The following RFX7 variants were observed in gnomAD, a reference collection of about 807,000 sequenced individuals.
RFX7 encodes DNA-binding protein RFX7.
A neutral mutation model predicts 111.8 loss-of-function variants in RFX7; 26 were observed. The observed-to-expected ratio is 0.23, with a 90% CI of 0.17 to 0.32. The LOEUF is 0.32. Ranked by LOEUF, RFX7 falls within the 10% of genes least tolerant of loss-of-function variation. The probability of loss-of-function intolerance (pLI) is 1.00; values close to 1 mark genes in which losing one functional copy is unlikely to be tolerated. For missense variants in RFX7, 1,573 were observed against 1,772.9 expected, an observed-to-expected ratio of 0.89 and a Z score of 2.02; for synonymous variants, 624 against 624.4, an observed-to-expected ratio of 1.00 and a Z score of 0.01.
chr15:56,220,648 T>C (rs1242116233), intron 2 of RFX7, among the ~76,000 whole-genome samples: 5 of 152,218 alleles, frequency 3.3e-5, no homozygotes, highest in Admixed American at 1.3e-4. Context: ...GTTTACTCTG[T>C]TGACAGTTTC....
intron 5 of RFX7, among the ~76,000 whole-genome samples, chr15:56,127,608 C>G (rs1469628505): frequency 1.3e-5 from 2 of 148,404 alleles, no homozygotes; most frequent in African/African-American, 5.0e-5. Flanking sequence ...AGTGCAGTGG[C>G]GCGATCTCGA....
At chr15:56,150,949 AC>A (rs1416651458) in intron 3 of RFX7, among the ~76,000 whole-genome samples, 2 of 152,126 alleles carry the variant, frequency 1.3e-5, no homozygotes, top group African/African-American at 4.8e-5. Context: ...AAATCGATCA[AC>A]CAGAAGAAAG....
At chr15:56,205,735 C>G (rs1370080833) in intron 2 of RFX7, among the ~76,000 whole-genome samples, 8 of 152,090 alleles carry the variant, frequency 5.3e-5, no homozygotes, top group Non-Finnish European at 1.2e-4. Flanking sequence ...TGAAGCATGA[C>G]TAAGAACCTG....
Position 56,091,656 on chromosome 15 carries a change from C to T in RFX7, c.*1689G>A, listed in dbSNP as rs952603281. 4 of 152,178 alleles carry T rather than the reference C, an allele frequency of 2.6e-5. No individual in the cohort carries two copies. Among genetic ancestry groups the T allele is most frequent in the Non-Finnish European group, 5.9e-5 (4 of 67,932 alleles). The allele number at this position is 152,178 out of a possible 1,614,324, so 9.4% of individuals were successfully genotyped here. A position where few individuals can be genotyped will look rare whatever the true frequency, so the allele number is the denominator to read the frequency against. ...TGCAGTAGTGCTGTGTCTCAATGTA[C>T]AGTGAAGAAATAACTAGCATCAAGA... On this transcript the variant is annotated 3_prime_UTR_variant, in exon 10 of 10. Transcript: ENST00000559447.
intron 8 of RFX7, among the ~76,000 whole-genome samples, chr15:56,099,824 G>A (rs1450747725): frequency 6.6e-6 from 1 of 152,112 alleles, no homozygotes; most frequent in African/African-American, 2.4e-5. Context: ...TTTAATATAT[G>A]TAATTTTTAA....
intron 3 of RFX7, among the ~76,000 whole-genome samples, chr15:56,164,991 T>A (rs1194378973): frequency 6.6e-6 from 1 of 152,130 alleles, no homozygotes; most frequent in Non-Finnish European, 1.5e-5. Flanking sequence ...TTTCCATGGA[T>A]GGGGTGGGGA....
At chr15:56,239,895 T>C (rs1168841200) in intron 2 of RFX7, among the ~76,000 whole-genome samples, 3 of 151,910 alleles carry the variant, frequency 2.0e-5, no homozygotes, top group African/African-American at 7.3e-5. Context: ...ACTTAGTAAA[T>C]GTGTTTACTG....
intron 2 of RFX7, among the ~76,000 whole-genome samples, chr15:56,232,513 C>T (rs538571827): frequency 1.3e-5 from 2 of 152,296 alleles, no homozygotes; most frequent in South Asian, 4.1e-4. Context: ...TCCCCATTGT[C>T]TTGGTGATTA....
At chr15:56,222,541 T>C (rs1362629995) in intron 2 of RFX7, among the ~76,000 whole-genome samples, 5 of 152,204 alleles carry the variant, frequency 3.3e-5, no homozygotes, top group Admixed American at 3.3e-4. Context: ...TCCTCTCCTT[T>C]TTTCTCTCTG....
chr15:56,239,694 G>A (rs903230109), intron 2 of RFX7, among the ~76,000 whole-genome samples: 3 of 152,106 alleles, frequency 2.0e-5, no homozygotes, highest in African/African-American at 7.2e-5. Context: ...AATTCTGGGG[G>A]ATTTTGGATT....
chr15:56,230,018 C>A (rs1477489800), intron 2 of RFX7, among the ~76,000 whole-genome samples: 1 of 152,148 alleles, frequency 6.6e-6, no homozygotes, highest in Non-Finnish European at 1.5e-5. Flanking sequence ...CCTTTGCCAC[C>A]TTCAGGCTTT....
intron 2 of RFX7, among the ~76,000 whole-genome samples, chr15:56,206,396 TA>T (rs1239454023): frequency 3.9e-5 from 6 of 152,082 alleles, no homozygotes; most frequent in Non-Finnish European, 8.8e-5. Flanking sequence ...CATACACTGT[TA>T]GGGGGACACA....
chr15:56,120,067 CACTT>C (rs1443033960), intron 5 of RFX7, among the ~76,000 whole-genome samples: 1 of 152,110 alleles, frequency 6.6e-6, no homozygotes. Flanking sequence ...TTTTGATAGA[CACTT>C]CATTCAATCT....
rs571456764 is a variant in RFX7 at position 56,243,785 on chromosome 15, A to ACGCCGC, written c.-349_-344dup. Among the ~76,000 whole-genome samples the ACGCCGC allele has an allele frequency of 0.012, 1,825 of 147,464 alleles. 38 individuals carry two copies. Among genetic ancestry groups the ACGCCGC allele is most frequent in the African/African-American group, 0.042 (1,693 of 40,632 alleles). ...CAGGCACCGCTCCACGCCACTCCCC[A>ACGCCGC]CGCCGCCGCCGCCGCCGCCGCTCGC... On this transcript the variant is annotated 5_prime_UTR_variant, in exon 1 of 10. Transcript: ENST00000559447.
intron 1 of RFX7, 77 bp downstream of exon 1, chr15:56,243,368 G>C (rs1454829136): frequency 2.1e-5 from 19 of 886,526 alleles, no homozygotes; most frequent in Non-Finnish European, 2.6e-5. Flanking sequence ...GGAGGACGAA[G>C]GGGGGAGAGG....
chr15:56,120,361 T>C (rs1295996412), intron 5 of RFX7, among the ~76,000 whole-genome samples: 2 of 152,234 alleles, frequency 1.3e-5, no homozygotes, highest in Non-Finnish European at 2.9e-5. Context: ...TCCTGCAACT[T>C]TACTGAATTT....
intron 5 of RFX7, among the ~76,000 whole-genome samples, chr15:56,141,507 C>T (rs1018596536): frequency 6.6e-6 from 1 of 151,786 alleles, no homozygotes; most frequent in African/African-American, 2.4e-5. Flanking sequence ...AGAATCTATT[C>T]TCTTGATCTT....
Position 56,192,518 on chromosome 15 carries a change from T to C in RFX7, c.162-13215A>G, listed in dbSNP as rs117204733. 625 of 166,310 alleles carry C rather than the reference T, an allele frequency of 3.8e-3. 4 individuals are homozygous for C. The highest frequency in any genetic ancestry group is 5.1e-3 in the Non-Finnish European group (377 of 74,538). The allele number at this position is 166,310 out of a possible 1,614,324, so 10.3% of individuals were successfully genotyped here. A position where few individuals can be genotyped will look rare whatever the true frequency, so the allele number is the denominator to read the frequency against. ...GCCCAACGTAATCTAGAAGCTCAAGTGAGCCCATGGGGTACCTGGCTCCTA... is the reference window on the plus strand; with the variant it reads ...GCCCAACGTAATCTAGAAGCTCAAGCGAGCCCATGGGGTACCTGGCTCCTA... On this transcript the variant is annotated intron_variant, in intron 2 of 9. Transcript: ENST00000559447.
chr15:56,105,344 T>A (rs1224655766), intron 5 of RFX7, among the ~76,000 whole-genome samples: 1 of 152,160 alleles, frequency 6.6e-6, no homozygotes, highest in Non-Finnish European at 1.5e-5. Context: ...CACACTAAGT[T>A]CAAGCAGGGC....
Sources: gnomAD v4.1 joint callset for allele counts (sites outside exome capture counted in the v4.1 genomes callset) on GRCh38, gnomAD v4.1.1 for gene constraint, MANE v1.5 for transcripts, NCBI Gene and HGNC (gene_info 2026-07-23, HGNC 2026-07-21) for gene names.